Variants in PIP4K2A observed in about 807,000 individuals in gnomAD.
PIP4K2A encodes phosphatidylinositol 5-phosphate 4-kinase type-2 alpha.
PIP4K2A carries 14 observed loss-of-function variants against 42.9 expected under a neutral mutation model. That is an observed-to-expected ratio of 0.33 (90% confidence interval 0.22 to 0.51). The LOEUF is 0.51. PIP4K2A is among the 20% of genes least tolerant of loss of function. PIP4K2A has a pLI of 0.97. For missense variants in PIP4K2A, 434 were observed against 519.8 expected (o/e 0.83, Z 1.61); for synonymous variants, 192 against 192.2 (o/e 1.00, Z 0.01).
At chr10:22,708,187 C>T (rs1195689411) in intron 1 of PIP4K2A, among the ~76,000 whole-genome samples, 2 of 152,202 alleles carry the variant, frequency 1.3e-5, no homozygotes, top group African/African-American at 4.8e-5. Context: ...ATTGCCTCTA[C>T]TTCCACTCAT....
At chr10:22,573,625 G>A (rs1433040719) in intron 4 of PIP4K2A, among the ~76,000 whole-genome samples, 168 bp from the exon 5 acceptor site, 4 of 152,006 alleles carry the variant, frequency 2.6e-5, no homozygotes, top group Non-Finnish European at 4.4e-5. Context: ...TCACATCTGT[G>A]TTCACCATCT....
intron 3 of PIP4K2A, among the ~76,000 whole-genome samples, chr10:22,606,847 G>A (rs1837917369): frequency 6.6e-6 from 1 of 152,126 alleles, no homozygotes; most frequent in South Asian, 2.1e-4. Context: ...GCAGCCAGTC[G>A]TATTTCAGAT....
chr10:22,554,230 A>G (rs1836479672), intron 6 of PIP4K2A, among the ~76,000 whole-genome samples: 1 of 152,236 alleles, frequency 6.6e-6, no homozygotes, highest in Non-Finnish European at 1.5e-5. Flanking sequence ...AGCTTTTTAA[A>G]AGAAATTTCA....
At chr10:22,690,600 C>T (rs986580585) in intron 1 of PIP4K2A, among the ~76,000 whole-genome samples, 1 of 152,042 alleles carries the variant, frequency 6.6e-6, no homozygotes, top group African/African-American at 2.4e-5. Flanking sequence ...CTTCAAAGAG[C>T]ACAAATACCA....
chr10:22,712,913 GGTGTGTGTGTGTGTGT>G (rs35439666), intron 1 of PIP4K2A, among the ~76,000 whole-genome samples: 1 of 147,500 alleles, frequency 6.8e-6, no homozygotes, highest in South Asian at 2.2e-4. Context: ...CTACATTGAG[GGTGTGTGTGTGTGTGT>G]GTGTGTGTGT....
chr10:22,636,130 T>C (rs1288110445), intron 1 of PIP4K2A, among the ~76,000 whole-genome samples: 1 of 152,100 alleles, frequency 6.6e-6, no homozygotes, highest in Non-Finnish European at 1.5e-5. Flanking sequence ...GACTCCACAA[T>C]GGAGTCTTGA....
At chr10:22,547,490 G>A (rs941064173) in intron 7 of PIP4K2A, among the ~76,000 whole-genome samples, 1 of 152,218 alleles carries the variant, frequency 6.6e-6, no homozygotes, top group African/African-American at 2.4e-5. Flanking sequence ...TCAAGGGGCT[G>A]TTTTGAGAAT....
intron 1 of PIP4K2A, among the ~76,000 whole-genome samples, chr10:22,683,474 T>A (rs1839701574): frequency 6.6e-6 from 1 of 152,168 alleles, no homozygotes; most frequent in South Asian, 2.1e-4. Context: ...CTTACTCTGA[T>A]CTGTTTGCTC....
chr10:22,607,457 G>A (rs1837929571), intron 3 of PIP4K2A, among the ~76,000 whole-genome samples: 2 of 152,072 alleles, frequency 1.3e-5, no homozygotes, highest in Admixed American at 1.3e-4. Context: ...GTGCACAAAG[G>A]GTGCCCTTTG....
chr10:22,536,387 A>T lies in PIP4K2A; in HGVS notation c.*814T>A. 1 of 329,192 alleles carries T rather than the reference A, an allele frequency of 3.0e-6. No homozygotes were observed. 20.4% of individuals were successfully genotyped at this position (329,192 alleles called of 1,614,324 possible). ...TCCAGGCAAGAAAAGAGAAGTAAGCAGTTTTCCTGGACATATTGGCCGAGG... is the reference window on the plus strand; with the variant it reads ...TCCAGGCAAGAAAAGAGAAGTAAGCTGTTTTCCTGGACATATTGGCCGAGG... On this transcript the variant is annotated 3_prime_UTR_variant, in exon 10 of 10. Coordinates refer to ENST00000376573, the MANE Select transcript of PIP4K2A (RefSeq NM_005028.5).
chr10:22,595,046 T>C (rs375216161), intron 3 of PIP4K2A, among the ~76,000 whole-genome samples: 1 of 152,234 alleles, frequency 6.6e-6, no homozygotes, highest in East Asian at 1.9e-4. Flanking sequence ...CATATCACTA[T>C]GAATATAAAA....
intron 1 of PIP4K2A, among the ~76,000 whole-genome samples, chr10:22,671,323 A>C (rs928599801): frequency 4.6e-5 from 7 of 152,222 alleles, no homozygotes; most frequent in Admixed American, 3.3e-4. Context: ...TGGTAAGCCT[A>C]AACTACTAGT....
rs2130742730 is a variant in PIP4K2A, at chr10:22,542,039, G to A, written c.801C>T (p.Ala267=). 1 of 1,606,808 alleles carries A rather than the reference G, an allele frequency of 6.2e-7. No homozygotes were observed. The highest frequency in any genetic ancestry group is 8.5e-7 in the Non-Finnish European group (1 of 1,176,438). Reference sequence around the variant, plus strand: ...GACTGTAGTCCATGAGCTTCAGCTGGGCCAGAAACTGGGGACAGAGGCAAC... The same window carrying A: ...GACTGTAGTCCATGAGCTTCAGCTGAGCCAGAAACTGGGGACAGAGGCAAC... ...EKLKKDVEFL[A]QLKLMDYSLL... is the part of the protein sequence containing the mutation. The change falls in exon 8 of 10, where the codon GCC becomes GCT. Residue 267 remains alanine (A), a synonymous_variant. Transcript: ENST00000376573.
At chr10:22,568,751 A>C (rs1453289372) in intron 5 of PIP4K2A, among the ~76,000 whole-genome samples, 2 of 152,220 alleles carry the variant, frequency 1.3e-5, no homozygotes, top group African/African-American at 4.8e-5. Flanking sequence ...AATTCAAAAG[A>C]AAAGCTGGGA....
intron 1 of PIP4K2A, among the ~76,000 whole-genome samples, chr10:22,667,740 A>G (rs999749209): frequency 2.0e-5 from 3 of 152,202 alleles, no homozygotes; most frequent in African/African-American, 7.2e-5. Flanking sequence ...ACTTGTAAAA[A>G]GAGGATTTTG....
Position 22,714,206 on chromosome 10 carries a change from G to A in PIP4K2A, c.121C>T (p.Leu41Phe). 2 of 1,611,526 alleles carry A rather than the reference G, an allele frequency of 1.2e-6. No individual in the cohort carries two copies. The highest frequency in any genetic ancestry group is 1.7e-6 in the Non-Finnish European group (2 of 1,178,638). ...ACCGAGTGGTTTACCCCCCACATGAGGACGCTGAGCAGCGGGTCGCTGGCC... is the reference window on the plus strand; with the variant it reads ...ACCGAGTGGTTTACCCCCCACATGAAGACGCTGAGCAGCGGGTCGCTGGCC... The part of the protein sequence containing the change: ...FRASDPLLSV[L>F]MWGVNHSINE... The change falls in exon 1 of 10, where the codon CTC (leucine) becomes TTC (phenylalanine). Residue 41 changes from leucine (L) to phenylalanine (F), a missense_variant. Transcript: ENST00000376573.
At position 22,536,374 on chromosome 10, in the gene PIP4K2A, A is replaced by G. The variant is rs1285455596; in HGVS notation, c.*827T>C. 1 of 350,738 alleles carries G rather than the reference A, an allele frequency of 2.9e-6. No homozygotes were observed. The highest frequency in any genetic ancestry group is 5.1e-6 in the Non-Finnish European group (1 of 195,884). 21.7% of individuals were successfully genotyped at this position (350,738 alleles called of 1,614,324 possible). On this transcript the variant is annotated 3_prime_UTR_variant, in exon 10 of 10. Coordinates refer to ENST00000376573, the MANE Select transcript of PIP4K2A (RefSeq NM_005028.5). ...GAACAATGAAGGCTCCAGGCAAGAAAAGAGAAGTAAGCAGTTTTCCTGGAC... is the reference window on the plus strand; with the variant it reads ...GAACAATGAAGGCTCCAGGCAAGAAGAGAGAAGTAAGCAGTTTTCCTGGAC...
chr10:22,702,621 T>A (rs1833735448), intron 1 of PIP4K2A, among the ~76,000 whole-genome samples: 1 of 152,228 alleles, frequency 6.6e-6, no homozygotes, highest in African/African-American at 2.4e-5. Flanking sequence ...CCCATACCTC[T>A]TATCACCAAT....
At chr10:22,649,624 G>A (rs1778347) in intron 1 of PIP4K2A, among the ~76,000 whole-genome samples, 38,257 of 152,066 alleles carry the variant, frequency 0.25, 5,190 homozygotes, top group Non-Finnish European at 0.31. Flanking sequence ...ATTAGCACAC[G>A]CAGGCTCATG....
Sources: gnomAD v4.1 joint callset for allele counts (sites outside exome capture counted in the v4.1 genomes callset) on GRCh38, gnomAD v4.1.1 for gene constraint, MANE v1.5 for transcripts, NCBI Gene and HGNC (gene_info 2026-07-23, HGNC 2026-07-21) for gene names.